PPP3CA: variants seen among roughly 807,000 people sequenced by gnomAD.
The protein encoded by PPP3CA is CAM-PRP catalytic subunit.
A neutral mutation model predicts 66.5 loss-of-function variants in PPP3CA; 14 were observed. The ratio of observed to expected loss-of-function variants is 0.21; its 90% CI spans 0.14 to 0.33. The LOEUF (loss-of-function observed/expected upper bound fraction) is 0.33. Ranked by LOEUF, PPP3CA falls within the 10% of genes least tolerant of loss-of-function variation. The probability of loss-of-function intolerance (pLI) is 1.00; values close to 1 mark genes in which losing one functional copy is unlikely to be tolerated. For missense variants in PPP3CA, 317 were observed against 639.5 expected (o/e 0.50, Z 5.44); for synonymous variants, 232 against 226.2 (o/e 1.03, Z -0.23).
intron 6 of PPP3CA, among the ~76,000 whole-genome samples, chr4:101,090,274 G>A (rs1482820713): frequency 6.6e-6 from 1 of 152,090 alleles, no homozygotes; most frequent in African/African-American, 2.4e-5. Flanking sequence ...CTATATATAG[G>A]CCACAGATTT....
chr4:101,262,125 T>C (rs1345452480), intron 1 of PPP3CA, among the ~76,000 whole-genome samples: 1 of 152,122 alleles, frequency 6.6e-6, no homozygotes, highest in Non-Finnish European at 1.5e-5. Context: ...TTATATTACA[T>C]TTATTTTTTT....
chr4:101,229,874 T>C (rs1035431635), intron 1 of PPP3CA, among the ~76,000 whole-genome samples: 1 of 150,870 alleles, frequency 6.6e-6, no homozygotes, highest in African/African-American at 2.4e-5. Context: ...AAAAGAAAAG[T>C]GAGATAGTAA....
chr4:101,324,089 C>G (rs1729122804), intron 1 of PPP3CA, among the ~76,000 whole-genome samples: 2 of 146,420 alleles, frequency 1.4e-5, no homozygotes, highest in Admixed American at 1.4e-4. Context: ...GCCTGGGTGA[C>G]AGAGTGAGAC....
At chr4:101,225,410 A>C (rs1359515884) in intron 1 of PPP3CA, among the ~76,000 whole-genome samples, 1 of 151,826 alleles carries the variant, frequency 6.6e-6, no homozygotes, top group Non-Finnish European at 1.5e-5. Flanking sequence ...AAGCCTAAAA[A>C]AAGTCTCGTG....
intron 8 of PPP3CA, among the ~76,000 whole-genome samples, chr4:101,071,958 T>C (rs1728938103): frequency 6.6e-6 from 1 of 152,240 alleles, no homozygotes; most frequent in Non-Finnish European, 1.5e-5. Context: ...TAAATTTTAA[T>C]GGGATAGTTT....
chr4:101,264,190 A>G (rs548880587), intron 1 of PPP3CA, among the ~76,000 whole-genome samples: 1 of 152,316 alleles, frequency 6.6e-6, no homozygotes, highest in African/African-American at 2.4e-5. Context: ...AATCATTTTC[A>G]TATCTTTTTC....
chr4:101,163,177 A>C (rs1466440500), intron 2 of PPP3CA, among the ~76,000 whole-genome samples: 3 of 152,158 alleles, frequency 2.0e-5, no homozygotes, highest in Non-Finnish European at 2.9e-5. Flanking sequence ...CATTTCCTGC[A>C]TTTGTGCATG....
At chr4:101,081,053 A>G (rs1318697031) in intron 7 of PPP3CA, among the ~76,000 whole-genome samples, 1 of 152,136 alleles carries the variant, frequency 6.6e-6, no homozygotes, top group Non-Finnish European at 1.5e-5. Context: ...ACCACTAATA[A>G]CCAGGCCAAT....
At chr4:101,157,866 C>CAAAAAAAAA (rs770632810) in intron 2 of PPP3CA, among the ~76,000 whole-genome samples, 2 of 48,864 alleles carry the variant, frequency 4.1e-5, no homozygotes, top group Middle Eastern at 0.011. Context: ...CCTTAGGAGG[C>CAAAAAAAAA]AAAAAAAAAA....
chr4:101,265,953 T>C (rs1456726700), intron 1 of PPP3CA, among the ~76,000 whole-genome samples: 1 of 152,214 alleles, frequency 6.6e-6, no homozygotes, highest in African/African-American at 2.4e-5. Context: ...TTAATGTATT[T>C]GTGATAGCAT....
intron 12 of PPP3CA, among the ~76,000 whole-genome samples, chr4:101,031,902 A>C (rs1334272849): frequency 1.3e-5 from 2 of 152,242 alleles, no homozygotes; most frequent in Non-Finnish European, 2.9e-5. Flanking sequence ...AATGAAACAT[A>C]ACCAGAATAC....
intron 8 of PPP3CA, among the ~76,000 whole-genome samples, chr4:101,070,435 A>C (rs757867638): frequency 6.6e-6 from 1 of 152,196 alleles, no homozygotes; most frequent in African/African-American, 2.4e-5. Flanking sequence ...AAATTGTAAG[A>C]GCATGTAAAT....
At chr4:101,094,357 A>G (rs1730101249) in intron 5 of PPP3CA, among the ~76,000 whole-genome samples, 1 of 152,116 alleles carries the variant, frequency 6.6e-6, no homozygotes, top group African/African-American at 2.4e-5. Flanking sequence ...TGCCTCTATT[A>G]AACTGTGATT....
chr4:101,077,953 T>C (rs1313312457), intron 8 of PPP3CA, among the ~76,000 whole-genome samples: 3 of 152,100 alleles, frequency 2.0e-5, no homozygotes, highest in African/African-American at 7.2e-5. Context: ...TATGAAGAAT[T>C]GAAAGAGTCT....
chr4:101,174,088 GC>G (rs72200859), intron 2 of PPP3CA, among the ~76,000 whole-genome samples: 2 of 149,540 alleles, frequency 1.3e-5, no homozygotes, highest in East Asian at 2.0e-4. Flanking sequence ...CAAAAACTAC[GC>G]CCCCCCCACC....
chr4:101,140,967 A>C (rs1164677982), intron 2 of PPP3CA, among the ~76,000 whole-genome samples: 1 of 152,250 alleles, frequency 6.6e-6, no homozygotes, highest in East Asian at 1.9e-4. Context: ...ATTTCATAGA[A>C]TACTGAATCA....
intron 1 of PPP3CA, among the ~76,000 whole-genome samples, chr4:101,301,297 T>C (rs1408168473): frequency 6.6e-6 from 1 of 151,528 alleles, no homozygotes; most frequent in East Asian, 1.9e-4. Context: ...AACATGATAC[T>C]ACCTGCTAAA....
At chr4:101,072,252 T>G (rs1294172510) in intron 8 of PPP3CA, among the ~76,000 whole-genome samples, 1 of 152,248 alleles carries the variant, frequency 6.6e-6, no homozygotes, top group Non-Finnish European at 1.5e-5. Context: ...ACTCTTCATT[T>G]CAAAAGCTTT....
intron 2 of PPP3CA, among the ~76,000 whole-genome samples, chr4:101,195,216 C>G (rs1241176273): frequency 6.8e-6 from 1 of 146,584 alleles, no homozygotes. Context: ...TGCAGTGAGC[C>G]GAGATTGCAC....
Sources: allele counts gnomAD v4.1 joint callset (sites outside exome capture counted in the v4.1 genomes callset), GRCh38; gene constraint gnomAD v4.1.1; transcripts MANE v1.5; gene names NCBI Gene and HGNC (gene_info 2026-07-23, HGNC 2026-07-21).